The following PRXL2C variants were observed in gnomAD, a reference collection of about 807,000 sequenced individuals.
PRXL2C encodes peroxiredoxin like 2C.
Under a neutral mutation model 24.9 loss-of-function variants are expected in PRXL2C, and 38 were observed. That is an observed-to-expected ratio of 1.53 (90% CI 1.18 to 2.00). The LOEUF is 2.00. PRXL2C is among the 30% of genes most tolerant of loss of function. The pLI is 0.00. For synonymous variants in PRXL2C, 98 were observed against 117.2 expected, an observed-to-expected ratio of 0.84 and a Z score of 1.06; for missense variants, 294 against 290.9, an observed-to-expected ratio of 1.01 and a Z score of -0.08.
rs1241699675 is a variant in PRXL2C, at chr9:96,654,722, G to T, written c.244C>A (p.Pro82Thr). 1 of 1,565,620 alleles carries T rather than the reference G, an allele frequency of 6.4e-7. No homozygotes were observed. Among genetic ancestry groups the T allele is most frequent in the Admixed American group, 1.9e-5 (1 of 52,686 alleles). ...AAACTCACTTGTAAGAAACTCCTGG[G>T]GATTTTGGCCAGATCCTCTACGTAT... ...KEYVEDLAKI[P>T]RSFLQEANVT... Residue 82 changes from proline (P) to threonine (T), a missense_variant, in exon 2 of 6, where the codon CCC becomes ACC. Coordinates refer to ENST00000375234, the MANE Select transcript of PRXL2C (RefSeq NM_153698.2).
At position 96,643,329 on chromosome 9, in the gene PRXL2C, C is replaced by T. The variant is rs143807525; in HGVS notation, c.554-1443G>A. On this transcript the variant is annotated intron_variant, in intron 5 of 5. Coordinates refer to ENST00000375234, the MANE Select transcript of PRXL2C (RefSeq NM_153698.2). ...GGTGTGATTTTGGCTCACTGCCAAC[C>T]TCCACTTCCCAGGTTCAAGCGATTA... is the stretch of plus-strand genomic sequence containing the variant. Among the ~76,000 whole-genome samples the T allele has an allele frequency of 6.4e-3, 978 of 152,270 alleles. 2 individuals are homozygous for T. The highest frequency in any genetic ancestry group is 0.017 in the Middle Eastern group (5 of 294).
At position 96,654,759 on chromosome 9, in the gene PRXL2C, G is replaced by T. The variant is rs763910204; in HGVS notation, c.207C>A (p.Tyr69Ter). The T allele has an allele frequency of 1.5e-5, 23 of 1,564,964 alleles. No homozygotes were observed. The Admixed American group carries it at 3.0e-4, about 21-fold the overall frequency. ...VVVFVRHFLCYICKEYVEDLA... is the reference protein window; with the variant it reads ...VVVFVRHFLC Reference sequence around the variant, plus strand: ...GATCCTCTACGTATTCCTTGCAGATGTAACACAGGAAATGCTGAAAGCCAA... The same window carrying T: ...GATCCTCTACGTATTCCTTGCAGATTTAACACAGGAAATGCTGAAAGCCAA... Residue 69 changes from tyrosine to a stop codon, truncating the protein, a stop_gained, in exon 2 of 6, where the codon TAC (tyrosine) becomes TAA (stop). Transcript: ENST00000375234. LOFTEE classifies it high-confidence loss of function.
chr9:96,654,903 C>A (rs1848330618), intron 1 of PRXL2C, 130 bp from the exon 2 acceptor site: 1 of 1,198,154 alleles, frequency 8.3e-7, no homozygotes, highest in South Asian at 1.8e-5. Flanking sequence ...GCGGCTCGGG[C>A]GCCCGGCGCG....
At chr9:96,653,002 CA>C (rs1238330063) in intron 2 of PRXL2C, among the ~76,000 whole-genome samples, 1 of 152,018 alleles carries the variant, frequency 6.6e-6, no homozygotes, top group Non-Finnish European at 1.5e-5. Context: ...CCAAGGCGGG[CA>C]GATCACGAGG....
rs1848109846 is a variant in PRXL2C, at chr9:96,641,204, AG to A, written c.*554del. 6.6e-6 allele frequency: 1 copy of A among 152,262 alleles called. No homozygotes were observed. The highest frequency in any genetic ancestry group is 1.5e-5 in the Non-Finnish European group (1 of 68,064). 9.4% of individuals were successfully genotyped at this position (152,262 alleles called of 1,614,324 possible). A position where few individuals can be genotyped will look rare whatever the true frequency, so the allele number is the denominator to read the frequency against. On this transcript the variant is annotated 3_prime_UTR_variant, in exon 6 of 6. Coordinates refer to ENST00000375234, the MANE Select transcript of PRXL2C (RefSeq NM_153698.2). ...TCATTATATAACAGTTGGGAAATACAGAAAAGTACAGAAAAGAAAATAATAA... is the reference window on the plus strand; with the variant it reads ...TCATTATATAACAGTTGGGAAATACAAAAAGTACAGAAAAGAAAATAATAA...
intron 4 of PRXL2C, among the ~76,000 whole-genome samples, chr9:96,646,836 G>A (rs1193915316): frequency 6.6e-6 from 1 of 152,144 alleles, no homozygotes; most frequent in African/African-American, 2.4e-5. Flanking sequence ...CGTTGCCCAG[G>A]ATGGAGTGCA....
Position 96,655,182 on chromosome 9 carries a change from C to T in PRXL2C, c.100G>A (p.Val34Met). The change falls in exon 1 of 6, where the codon GTG (valine) becomes ATG (methionine). Residue 34 changes from valine to methionine, a missense_variant. Transcript: ENST00000375234. The stretch of plus-strand genomic sequence containing the variant: ...GCGTCCAGCACCGGCAGCTCGGCCA[C>T]GGCGGCCGCCAGGGGCTGCCCGCTG... Reference protein sequence around the residue: ...PDSGQPLAAAVAELPVLDARG... With the variant: ...PDSGQPLAAAMAELPVLDARG... 1 of 1,216,212 alleles carries T rather than the reference C, an allele frequency of 8.2e-7. No homozygotes were observed. The allele number at this position is 1,216,212 out of a possible 1,614,324, so 75.3% of individuals were successfully genotyped here. A position where few individuals can be genotyped will look rare whatever the true frequency, so the allele number is the denominator to read the frequency against.
chr9:96,654,899 C>T (rs1588104881), intron 1 of PRXL2C, 126 bp from the exon 2 acceptor site: 1 of 1,212,804 alleles, frequency 8.2e-7, no homozygotes, highest in East Asian at 3.0e-5. Context: ...ACCGGCGGCT[C>T]GGGCGCCCGG....
At chr9:96,650,997 A>G (rs540923513) in intron 4 of PRXL2C, among the ~76,000 whole-genome samples, 1 of 152,328 alleles carries the variant, frequency 6.6e-6, no homozygotes, top group Admixed American at 6.5e-5. Context: ...AGAATAATAA[A>G]AAGCAGCCTG....
chr9:96,648,218 T>C (rs1848221770), intron 4 of PRXL2C, among the ~76,000 whole-genome samples: 1 of 152,170 alleles, frequency 6.6e-6, no homozygotes. Context: ...TCTCTTCTTA[T>C]GTCCAAAGAA....
intron 4 of PRXL2C, among the ~76,000 whole-genome samples, chr9:96,651,027 A>G (rs1848257835): frequency 1.3e-5 from 2 of 152,310 alleles, no homozygotes; most frequent in Admixed American, 6.5e-5. Flanking sequence ...GCAGTGGCTC[A>G]TGCCTATAAT....
At chr9:96,646,355 G>A (rs1180553038) in intron 4 of PRXL2C, among the ~76,000 whole-genome samples, 2 of 152,118 alleles carry the variant, frequency 1.3e-5, no homozygotes, top group African/African-American at 2.4e-5. Flanking sequence ...ACGTGATGAC[G>A]GACCCACATC....
At position 96,643,681 on chromosome 9, in the gene PRXL2C, T is replaced by C. The variant is rs373277951; in HGVS notation, c.554-1795A>G. On this transcript the variant is annotated intron_variant, in intron 5 of 5. Coordinates refer to ENST00000375234, the MANE Select transcript of PRXL2C (RefSeq NM_153698.2). ...TTCAGAAATATGGCTAATGTCATTC[T>C]GGGCTAATGCATAGGATTCATTCTC... Among the ~76,000 whole-genome samples, 16 of 152,394 alleles carry C rather than the reference T, an allele frequency of 1.0e-4. No individual in the cohort carries two copies. In the East Asian group the frequency reaches 1.7e-3, roughly 17 times the overall value.
At chr9:96,648,649 C>T (rs1280023347) in intron 4 of PRXL2C, among the ~76,000 whole-genome samples, 1 of 152,086 alleles carries the variant, frequency 6.6e-6, no homozygotes, top group Non-Finnish European at 1.5e-5. Flanking sequence ...AATACACCCT[C>T]TCTTATAATT....
At chr9:96,654,973 G>T in intron 1 of PRXL2C, 117 bp downstream of exon 1, 3 of 1,285,284 alleles carry the variant, frequency 2.3e-6, no homozygotes, top group Non-Finnish European at 3.0e-6. Flanking sequence ...AAGCGGCCGC[G>T]ACTGGGCAGG....
At chr9:96,646,110 T>G in intron 4 of PRXL2C, 86 bp from the exon 5 acceptor site, 1 of 1,371,298 alleles carries the variant, frequency 7.3e-7, no homozygotes, top group Non-Finnish European at 9.9e-7. Context: ...AACATTCTCT[T>G]TCTTCCTTTA....
At chr9:96,647,722 C>T (rs1848215221) in intron 4 of PRXL2C, among the ~76,000 whole-genome samples, 1 of 152,016 alleles carries the variant, frequency 6.6e-6, no homozygotes, top group Non-Finnish European at 1.5e-5. Context: ...GAGATGGGGT[C>T]TCACTTTGTT....
rs766307127 is a variant in PRXL2C, at chr9:96,651,409, A to G, written c.402T>C (p.Gly134=). The G allele has an allele frequency of 4.3e-6, 7 of 1,611,560 alleles. No individual in the cohort carries two copies. The East Asian group carries it at 1.6e-4, about 36-fold the overall frequency. The change falls in exon 4 of 6, where the codon GGT becomes GGC. Residue 134 remains glycine (G), a synonymous_variant. Transcript: ENST00000375234. The part of the protein sequence containing the change: ...EIYKRLGMKR[G]EEIASSGQSP... Reference sequence around the variant, plus strand: ...TCTTACCTGAGGAAGCAATTTCTTCACCTCTTTTCATTCCCAATCTTTTAT... The same window carrying G: ...TCTTACCTGAGGAAGCAATTTCTTCGCCTCTTTTCATTCCCAATCTTTTAT...
At chr9:96,646,740 C>T (rs184218036) in intron 4 of PRXL2C, among the ~76,000 whole-genome samples, 6 of 152,184 alleles carry the variant, frequency 3.9e-5, no homozygotes, top group Admixed American at 1.3e-4. Flanking sequence ...GCCTGGATCC[C>T]GGAACTGCTG....
Sources: gnomAD v4.1 joint callset for allele counts (sites outside exome capture counted in the v4.1 genomes callset) on GRCh38, gnomAD v4.1.1 for gene constraint, MANE v1.5 for transcripts, NCBI Gene and HGNC (gene_info 2026-07-23, HGNC 2026-07-21) for gene names.